R3HCC1L: variants seen among roughly 807,000 people sequenced by gnomAD.
R3HCC1L encodes the protein R3H domain and coiled-coil containing 1 like.
A neutral mutation model predicts 59.9 loss-of-function variants in R3HCC1L; 51 were observed. The observed-to-expected ratio is 0.85, with a 90% CI of 0.68 to 1.07. R3HCC1L has a LOEUF of 1.07. R3HCC1L is among the 50% of genes least tolerant of loss of function. The probability of loss-of-function intolerance (pLI) is 0.00; values close to 1 mark genes in which losing one functional copy is unlikely to be tolerated. For missense variants in R3HCC1L, 965 were observed against 933.0 expected (o/e 1.03, Z -0.45); for synonymous variants, 322 against 315.2 (o/e 1.02, Z -0.23).
At chr10:98,193,919 T>C (rs1031472518) in intron 4 of R3HCC1L, among the ~76,000 whole-genome samples, 6 of 152,188 alleles carry the variant, frequency 3.9e-5, no homozygotes, top group Non-Finnish European at 5.9e-5. Context: ...CTGTCCAGTC[T>C]ACAGAGTCAG....
At chr10:98,234,732 A>C (rs116956947) in intron 7 of R3HCC1L, among the ~76,000 whole-genome samples, 1 of 152,326 alleles carries the variant, frequency 6.6e-6, no homozygotes, top group East Asian at 1.9e-4. Context: ...AACACCTTCC[A>C]AGGTTATTTG....
intron 4 of R3HCC1L, among the ~76,000 whole-genome samples, chr10:98,202,016 C>T (rs1166790741): frequency 6.6e-6 from 1 of 152,040 alleles, no homozygotes; most frequent in African/African-American, 2.4e-5. Context: ...GTCCTCCCAC[C>T]TCAGCCTTCC....
intron 4 of R3HCC1L, among the ~76,000 whole-genome samples, chr10:98,173,700 C>T (rs1407131964): frequency 2.6e-5 from 4 of 152,186 alleles, no homozygotes; most frequent in African/African-American, 7.2e-5. Flanking sequence ...GGCCACACCC[C>T]TCCCCCTACT....
At chr10:98,213,864 C>T (rs1415030128) in intron 5 of R3HCC1L, among the ~76,000 whole-genome samples, 1 of 152,044 alleles carries the variant, frequency 6.6e-6, no homozygotes, top group Admixed American at 6.5e-5. Flanking sequence ...ATGTTATTGA[C>T]TGCCTAAGTG....
At chr10:98,139,513 C>T (rs1179896608) in intron 1 of R3HCC1L, among the ~76,000 whole-genome samples, 5 of 152,280 alleles carry the variant, frequency 3.3e-5, no homozygotes, top group South Asian at 2.1e-4. Context: ...GTGCTACCCA[C>T]GAGGAAATGT....
In R3HCC1L at chr10:98,224,642, C is replaced by T. The variant is rs182002373; in HGVS notation, c.1786-6870C>T. Among the ~76,000 whole-genome samples, 1,486 of 152,236 alleles carry T rather than the reference C, an allele frequency of 9.8e-3. 32 individuals are homozygous for T. The highest frequency in any genetic ancestry group is 0.033 in the African/African-American group (1,389 of 41,550). ...ATGCTTTATAAATAGCAACACAGAC[C>T]ACTATTTAAGATCCTAAAAATATTT... On this transcript the variant is annotated intron_variant, in intron 5 of 9. Coordinates refer to ENST00000298999, the MANE Select transcript of R3HCC1L (RefSeq NM_001351015.2).
At chr10:98,210,128 A>G (rs192472513) in intron 5 of R3HCC1L, among the ~76,000 whole-genome samples, 4 of 152,346 alleles carry the variant, frequency 2.6e-5, no homozygotes, top group East Asian at 1.9e-4. Flanking sequence ...TGGAATAAAG[A>G]TGAATTTAAT....
Position 98,178,892 on chromosome 10 carries a change from G to T in R3HCC1L, c.-15+15495G>T, listed in dbSNP as rs539023215. Among the ~76,000 whole-genome samples the T allele has an allele frequency of 2.6e-5, 4 of 152,292 alleles. No individual in the cohort carries two copies. The East Asian group carries it at 5.8e-4, about 22-fold the overall frequency. On this transcript the variant is annotated intron_variant, in intron 4 of 9. Transcript: ENST00000298999. ...CTGTTATTGGTGTGTAGGAATGCTTGTGATTTTTGCACATTGATTTTGTAT... is the reference window on the plus strand; with the variant it reads ...CTGTTATTGGTGTGTAGGAATGCTTTTGATTTTTGCACATTGATTTTGTAT...
chr10:98,225,452 A>C (rs1002051561), intron 5 of R3HCC1L, among the ~76,000 whole-genome samples: 1 of 152,178 alleles, frequency 6.6e-6, no homozygotes, highest in Non-Finnish European at 1.5e-5. Flanking sequence ...AAGTTCCATT[A>C]ACAGTATGAT....
intron 5 of R3HCC1L, among the ~76,000 whole-genome samples, chr10:98,215,971 G>A (rs1854151588): frequency 6.6e-6 from 1 of 152,186 alleles, no homozygotes; most frequent in Non-Finnish European, 1.5e-5. Flanking sequence ...GGAGAAGACA[G>A]AACATGAGCA....
chr10:98,234,412 T>C, intron 6 of R3HCC1L, 34 bp from the exon 7 acceptor site: 1 of 1,582,194 alleles, frequency 6.3e-7, no homozygotes, highest in Non-Finnish European at 8.7e-7. Context: ...GTAAATTTTA[T>C]TTTAGGAAAT....
At chr10:98,153,055 G>A (rs1590427390) in intron 1 of R3HCC1L, among the ~76,000 whole-genome samples, 1 of 151,972 alleles carries the variant, frequency 6.6e-6, no homozygotes, top group Non-Finnish European at 1.5e-5. Context: ...CTGCCCGGCC[G>A]CCCCTTCTGG....
rs913427201 is a variant in R3HCC1L at position 98,134,708 on chromosome 10, T to C, written c.-268+2T>C. On this transcript the variant is annotated splice_donor_variant, in intron 1 of 9. Coordinates refer to ENST00000298999, the MANE Select transcript of R3HCC1L (RefSeq NM_001351015.2). LOFTEE classifies it low-confidence loss of function (5UTR_SPLICE). ...GAAGCGGAGAGCAACAGCGCGCCGGTAACAACCAGCCCCGTATCCCCTCCC... is the reference window on the plus strand; with the variant it reads ...GAAGCGGAGAGCAACAGCGCGCCGGCAACAACCAGCCCCGTATCCCCTCCC... 2.0e-5 allele frequency: 3 copies of C among 152,256 alleles called. No individual in the cohort carries two copies. The highest frequency in any genetic ancestry group is 2.9e-5 in the Non-Finnish European group (2 of 68,078). 9.4% of individuals were successfully genotyped at this position (152,256 alleles called of 1,614,324 possible).
chr10:98,159,120 T>G (rs1461893113), intron 2 of R3HCC1L, among the ~76,000 whole-genome samples: 1 of 152,230 alleles, frequency 6.6e-6, no homozygotes, highest in African/African-American at 2.4e-5. Flanking sequence ...CATTGATATT[T>G]CCAAAGACTG....
intron 7 of R3HCC1L, 83 bp from the exon 8 acceptor site, chr10:98,235,342 A>G (rs1195394166): frequency 5.2e-6 from 6 of 1,157,640 alleles, no homozygotes; most frequent in Non-Finnish European, 7.6e-6. Flanking sequence ...CATAACATCT[A>G]GGAAATACTA....
At chr10:98,165,244 G>C (rs1312501396) in intron 4 of R3HCC1L, among the ~76,000 whole-genome samples, 1 of 152,180 alleles carries the variant, frequency 6.6e-6, no homozygotes, top group Non-Finnish European at 1.5e-5. Flanking sequence ...CAGCCTGGGC[G>C]ACAGAATGAG....
intron 5 of R3HCC1L, chr10:98,230,992 A>G (rs1856315472): frequency 2.4e-6 from 1 of 409,696 alleles, no homozygotes. Flanking sequence ...GTCTTAACAA[A>G]TGCCTTTGTA....
chr10:98,218,632 A>C (rs1032058942), intron 5 of R3HCC1L, among the ~76,000 whole-genome samples: 3 of 152,112 alleles, frequency 2.0e-5, no homozygotes, highest in African/African-American at 7.2e-5. Flanking sequence ...GGTTGTGCTG[A>C]TGAGAATGTA....
rs903353935 is a variant in R3HCC1L at position 98,181,128 on chromosome 10, C to A, written c.-15+17731C>A. 2.6e-5 allele frequency among the ~76,000 whole-genome samples: 4 copies of A among 152,080 alleles called. No individual in the cohort carries two copies. The East Asian group carries it at 7.7e-4, about 29-fold the overall frequency. ...TGGTTATTTTGCCTGTTAGTTGATG[C>A]AGTTTCTTCCTAGCATTGATGTTTT... is the stretch of plus-strand genomic sequence containing the variant. On this transcript the variant is annotated intron_variant, in intron 4 of 9. Transcript: ENST00000298999.
Sources: gnomAD v4.1 joint callset for allele counts (sites outside exome capture counted in the v4.1 genomes callset) on GRCh38, gnomAD v4.1.1 for gene constraint, MANE v1.5 for transcripts, NCBI Gene and HGNC (gene_info 2026-07-23, HGNC 2026-07-21) for gene names.